RAB18: variants seen among roughly 807,000 people sequenced by gnomAD.
The protein encoded by RAB18 is ras-related protein Rab-18.
Under a neutral mutation model 28.5 loss-of-function variants are expected in RAB18, and 10 were observed. The observed-to-expected ratio is 0.35, with a 90% confidence interval of 0.22 to 0.60. RAB18 has a LOEUF of 0.60. RAB18 is among the 20% of genes least tolerant of loss of function. The pLI is 0.78. For synonymous variants in RAB18, 93 were observed against 86.9 expected, an observed-to-expected ratio of 1.07 and a Z score of -0.39; for missense variants, 188 against 244.2, an observed-to-expected ratio of 0.77 and a Z score of 1.53.
chr10:27,535,354 A>T (rs566274753), intron 6 of RAB18, among the ~76,000 whole-genome samples: 1 of 152,208 alleles, frequency 6.6e-6, no homozygotes, highest in African/African-American at 2.4e-5. Context: ...AGGGAAACCA[A>T]AACACTGGAC....
At chr10:27,518,103 G>T (rs1834474866) in intron 2 of RAB18, among the ~76,000 whole-genome samples, 1 of 152,122 alleles carries the variant, frequency 6.6e-6, no homozygotes, top group African/African-American at 2.4e-5. Flanking sequence ...TTGTGTGGAT[G>T]TACCACAGTT....
rs1480700468 is a variant in RAB18, at chr10:27,540,445, A to G, written c.*2394A>G. 7 of 453,946 alleles carry G rather than the reference A, an allele frequency of 1.5e-5. No homozygotes were observed. The highest frequency in any genetic ancestry group is 9.4e-5 in the Admixed American group (4 of 42,562). 28.1% of individuals were successfully genotyped at this position (453,946 alleles called of 1,614,324 possible). ...TTAGTTACCAGCTTTTTGTAACACA[A>G]CCAAGTTAAGGCAGTTCCACTATTT... On this transcript the variant is annotated 3_prime_UTR_variant, in exon 7 of 7. Coordinates refer to ENST00000356940, the MANE Select transcript of RAB18 (RefSeq NM_021252.5).
Position 27,509,881 on chromosome 10 carries a change from C to T in RAB18, c.75C>T (p.Leu25=), listed in dbSNP as rs561672541. ...GESGVGKSSL[L]LRFTDDTFDP... is the part of the protein sequence containing the mutation. Reference sequence around the variant, plus strand: ...TTTTTAATATCTCTTTCAGCCTGCTCTTGAGGTTCACAGATGATACGTTTG... The same window carrying T: ...TTTTTAATATCTCTTTCAGCCTGCTTTTGAGGTTCACAGATGATACGTTTG... Residue 25 remains leucine, a synonymous_variant, in exon 2 of 7, where the codon CTC becomes CTT. Transcript: ENST00000356940. 1.2e-6 allele frequency: 2 copies of T among 1,612,518 alleles called. No individual in the cohort carries two copies. Among genetic ancestry groups the T allele is most frequent in the Admixed American group, 1.7e-5 (1 of 60,020 alleles).
chr10:27,520,649 G>T (rs1834529234), intron 2 of RAB18, among the ~76,000 whole-genome samples: 1 of 151,692 alleles, frequency 6.6e-6, no homozygotes, highest in Non-Finnish European at 1.5e-5. Flanking sequence ...GGGCATGGTG[G>T]CTCATGCCTG....
rs1834846153 is a variant in RAB18 at position 27,534,136 on chromosome 10, A to G, written c.445+142A>G. ...TTGCCTTGTGTTACAAAATCTAACT[A>G]TATAACAAGGTTCTTTATTCTTCTT... On this transcript the variant is annotated intron_variant, in intron 6 of 6. Coordinates refer to ENST00000356940, the MANE Select transcript of RAB18 (RefSeq NM_021252.5). 2.0e-5 allele frequency: 15 copies of G among 758,578 alleles called. 1 individual carries two copies. The highest frequency in any genetic ancestry group is 1.6e-4 in the South Asian group (10 of 64,240). The allele number at this position is 758,578 out of a possible 1,614,324, so 47.0% of individuals were successfully genotyped here. A position where few individuals can be genotyped will look rare whatever the true frequency, so the allele number is the denominator to read the frequency against.
intron 6 of RAB18, among the ~76,000 whole-genome samples, chr10:27,537,132 A>G (rs1286050760): frequency 2.6e-5 from 4 of 152,226 alleles, no homozygotes; most frequent in African/African-American, 9.6e-5. Flanking sequence ...CAGCAGGGAC[A>G]GTTTATCCAT....
At chr10:27,505,885 T>C (rs930373715) in intron 1 of RAB18, among the ~76,000 whole-genome samples, 1 of 152,124 alleles carries the variant, frequency 6.6e-6, no homozygotes, top group Non-Finnish European at 1.5e-5. Context: ...CCTCATGTAA[T>C]GTCCTCTGTG....
chr10:27,516,325 G>A (rs1162921666), intron 2 of RAB18, among the ~76,000 whole-genome samples: 2 of 152,154 alleles, frequency 1.3e-5, no homozygotes, highest in Admixed American at 1.3e-4. Context: ...GGAGGCCGAG[G>A]CAGGTGGATC....
Position 27,539,537 on chromosome 10 carries a change from A to G in RAB18, c.*1486A>G, listed in dbSNP as rs1294917702. ...CATTCTATATGCTTTTACTAAATAT[A>G]CAAGATTTACTACTAGAAATTTGGA... On this transcript the variant is annotated 3_prime_UTR_variant, in exon 7 of 7. Transcript: ENST00000356940. 1.0e-5 allele frequency: 4 copies of G among 397,522 alleles called. No individual in the cohort carries two copies. The highest frequency in any genetic ancestry group is 8.4e-4 in the Middle Eastern group (1 of 1,194). 24.6% of individuals were successfully genotyped at this position (397,522 alleles called of 1,614,324 possible).
At chr10:27,508,868 A>C (rs1261861626) in intron 1 of RAB18, among the ~76,000 whole-genome samples, 1 of 152,162 alleles carries the variant, frequency 6.6e-6, no homozygotes, top group East Asian at 1.9e-4. Flanking sequence ...TAGATATCTG[A>C]TGGCTGTTTC....
chr10:27,535,745 G>GGTAT (rs1342237896), intron 6 of RAB18, among the ~76,000 whole-genome samples: 2 of 152,206 alleles, frequency 1.3e-5, no homozygotes, highest in East Asian at 3.9e-4. Context: ...ATACAGTGAA[G>GGTAT]GTATAGCTGA....
intron 3 of RAB18, 105 bp from the exon 4 acceptor site, chr10:27,532,402 C>G: frequency 1.2e-6 from 1 of 800,714 alleles, no homozygotes; most frequent in Non-Finnish European, 2.1e-6. Context: ...TGAGCTCATG[C>G]ATTAATACTA....
intron 6 of RAB18, among the ~76,000 whole-genome samples, chr10:27,536,540 A>T (rs1274888168): frequency 6.6e-6 from 1 of 152,154 alleles, no homozygotes; most frequent in Non-Finnish European, 1.5e-5. Flanking sequence ...CCTGTCTCAA[A>T]AACAAAACAA....
intron 3 of RAB18, chr10:27,531,669 G>A (rs1834791146): frequency 9.7e-6 from 7 of 721,120 alleles, no homozygotes; most frequent in Admixed American, 2.0e-5. Flanking sequence ...TAAAACAGGT[G>A]GTGGGCTGAG....
intron 3 of RAB18, among the ~76,000 whole-genome samples, chr10:27,528,956 T>C (rs1036390609): frequency 6.6e-6 from 1 of 152,080 alleles, no homozygotes; most frequent in African/African-American, 2.4e-5. Flanking sequence ...TTTGCCTGTT[T>C]ATTGATCATT....
rs1010310922 is a variant in RAB18, at chr10:27,535,981, G to A, written c.446-1895G>A. ...GCCTGTAGTCCCAGCTACTTGGGAG[G>A]CTGAGGCAGGAGAATTGCTTGAACC... On this transcript the variant is annotated intron_variant, in intron 6 of 6. Coordinates refer to ENST00000356940, the MANE Select transcript of RAB18 (RefSeq NM_021252.5). Among the ~76,000 whole-genome samples, 3 of 152,158 alleles carry A rather than the reference G, an allele frequency of 2.0e-5. No homozygotes were observed. In the South Asian group the frequency reaches 6.2e-4, roughly 32 times the overall value.
intron 3 of RAB18, among the ~76,000 whole-genome samples, chr10:27,527,426 T>A (rs1834697444): frequency 6.6e-6 from 1 of 152,080 alleles, no homozygotes; most frequent in Admixed American, 6.6e-5. Flanking sequence ...GCTAGACCGC[T>A]CATGCTAGTG....
At chr10:27,517,596 G>A (rs1375474831) in intron 2 of RAB18, among the ~76,000 whole-genome samples, 1 of 152,114 alleles carries the variant, frequency 6.6e-6, no homozygotes, top group Non-Finnish European at 1.5e-5. Context: ...AGAAGTAGAG[G>A]TTTTACAATA....
intron 2 of RAB18, among the ~76,000 whole-genome samples, chr10:27,516,672 T>G (rs111954583): frequency 6.6e-6 from 1 of 152,166 alleles, no homozygotes; most frequent in African/African-American, 2.4e-5. Flanking sequence ...AACTTCTAAT[T>G]TGGAATTCTT....
Sources: gnomAD v4.1 joint callset for allele counts (sites outside exome capture counted in the v4.1 genomes callset) on GRCh38, gnomAD v4.1.1 for gene constraint, MANE v1.5 for transcripts, NCBI Gene and HGNC (gene_info 2026-07-23, HGNC 2026-07-21) for gene names.